Variants in LRRC38 observed in about 807,000 individuals in gnomAD.
The protein encoded by LRRC38 is leucine-rich repeat-containing protein 38.
LRRC38 carries 5 observed loss-of-function variants against 16.4 expected under a neutral mutation model. The observed-to-expected ratio is 0.31, with a 90% CI of 0.16 to 0.64. LRRC38 has a LOEUF of 0.64. LRRC38 is among the 30% of genes least tolerant of loss of function. The pLI, the probability that LRRC38 is intolerant of heterozygous loss-of-function variation, is 0.80. For synonymous variants in LRRC38, 191 were observed against 190.2 expected (o/e 1.00, Z -0.04); for missense variants, 341 against 401.8 (o/e 0.85, Z 1.29).
rs1557507541 is a variant in LRRC38 at position 13,513,047 on chromosome 1, G to C, written c.547C>G (p.Leu183Val). ...AALPALRSLR[L>V]DGNPWLCDCD... ...TCGCACAGCCAGGGGTTCCCGTCCA[G>C]ACGCAGGGAGCGCAGCGCGGGCAGC... Residue 183 changes from leucine (L) to valine (V), a missense_variant, in exon 1 of 2, where the codon CTG (leucine) becomes GTG (valine). Leu to Val is a conservative substitution (Grantham distance 32, BLOSUM62 1). Transcript: ENST00000376085. 1 of 1,550,056 alleles carries C rather than the reference G, an allele frequency of 6.5e-7. No individual in the cohort carries two copies. The highest frequency in any genetic ancestry group is 2.0e-5 in the Admixed American group (1 of 50,974).
At chr1:13,481,759 T>TC (rs1557495236) in intron 1 of LRRC38, among the ~76,000 whole-genome samples, 2 of 57,714 alleles carry the variant, frequency 3.5e-5, no homozygotes, top group Non-Finnish European at 7.3e-5. Flanking sequence ...CTCACTTTCT[T>TC]TCCCTCTCTC....
chr1:13,512,075 G>A (rs536615649), intron 1 of LRRC38, among the ~76,000 whole-genome samples: 1 of 152,224 alleles, frequency 6.6e-6, no homozygotes, highest in Admixed American at 6.5e-5. Flanking sequence ...TCAGCTCTGA[G>A]AGGTCACTGC....
chr1:13,503,354 C>T (rs146978162), intron 1 of LRRC38, among the ~76,000 whole-genome samples: 18 of 152,252 alleles, frequency 1.2e-4, no homozygotes, highest in African/African-American at 3.6e-4. Flanking sequence ...CTGCAAGCTC[C>T]GCCTCCTGGG....
At chr1:13,491,745 G>A (rs553096531) in intron 1 of LRRC38, among the ~76,000 whole-genome samples, 2 of 151,986 alleles carry the variant, frequency 1.3e-5, no homozygotes, top group South Asian at 2.1e-4. Flanking sequence ...GCGACATCTC[G>A]GCTCACTGCA....
At chr1:13,501,774 T>C (rs1440589076) in intron 1 of LRRC38, among the ~76,000 whole-genome samples, 2 of 151,460 alleles carry the variant, frequency 1.3e-5, no homozygotes, top group Non-Finnish European at 2.9e-5. Context: ...TTGTTTTTGT[T>C]TGTTTGTTTG....
rs1429951190 is a variant in LRRC38, at chr1:13,475,047, A to T, written c.*799T>A. 1 of 152,056 alleles carries T rather than the reference A, an allele frequency of 6.6e-6. No individual in the cohort carries two copies. The highest frequency in any genetic ancestry group is 2.4e-5 in the African/African-American group (1 of 41,396). The allele number at this position is 152,056 out of a possible 1,614,324, so 9.4% of individuals were successfully genotyped here. A position where few individuals can be genotyped will look rare whatever the true frequency, so the allele number is the denominator to read the frequency against. On this transcript the variant is annotated 3_prime_UTR_variant, in exon 2 of 2. Transcript: ENST00000376085. This position sits in a 1 kb window ranked among gnomAD's most constrained non-coding sequence, Gnocchi z 4.3. ...GGAAGTCTGAGATCTGGGTGCCAGC[A>T]TGGCTGGGTTCTGGTGAGGGCCTGC...
chr1:13,498,012 A>T (rs116517332), intron 1 of LRRC38, among the ~76,000 whole-genome samples: 9,102 of 150,648 alleles, frequency 0.06, 903 homozygotes, highest in African/African-American at 0.21. Flanking sequence ...GCTGGATTAA[A>T]AAAATATCCA....
At chr1:13,481,385 A>T (rs56075684) in intron 1 of LRRC38, among the ~76,000 whole-genome samples, 107 of 115,304 alleles carry the variant, frequency 9.3e-4, no homozygotes, top group African/African-American at 3.0e-3. Context: ...TGTTTTTTTT[A>T]TTTTTTTTTT....
intron 1 of LRRC38, among the ~76,000 whole-genome samples, chr1:13,506,977 G>A (rs1639220492): frequency 6.6e-6 from 1 of 152,192 alleles, no homozygotes; most frequent in African/African-American, 2.4e-5. Context: ...ATCCCCTCCT[G>A]GGTTCCCCTG....
At position 13,492,332 on chromosome 1, in the gene LRRC38, A is replaced by G. The variant is rs769558394; in HGVS notation, c.632-16233T>C. Among the ~76,000 whole-genome samples the G allele has an allele frequency of 1.2e-3, 186 of 152,388 alleles. 1 individual carries two copies. Among genetic ancestry groups the G allele is most frequent in the Non-Finnish European group, 2.4e-3 (166 of 68,036 alleles). On this transcript the variant is annotated intron_variant, in intron 1 of 1. Coordinates refer to ENST00000376085, the MANE Select transcript of LRRC38 (RefSeq NM_001010847.2). ...CTGCATAATAATCCATTTCATGGATAGACAACGTGTTGTTGTTACATTTAT... is the reference window on the plus strand; with the variant it reads ...CTGCATAATAATCCATTTCATGGATGGACAACGTGTTGTTGTTACATTTAT...
At chr1:13,505,668 G>A (rs898480614) in intron 1 of LRRC38, among the ~76,000 whole-genome samples, 5 of 152,140 alleles carry the variant, frequency 3.3e-5, no homozygotes, top group African/African-American at 1.2e-4. Flanking sequence ...TGAATGTTAC[G>A]ACGTAACTAC....
At chr1:13,479,564 T>C (rs1308970781) in intron 1 of LRRC38, among the ~76,000 whole-genome samples, 1 of 152,182 alleles carries the variant, frequency 6.6e-6, no homozygotes, top group Non-Finnish European at 1.5e-5. Flanking sequence ...TTTTAGAAAA[T>C]GTCATCTCAC....
At chr1:13,476,172 G>A (rs1638786997) in intron 1 of LRRC38, 73 bp from the exon 2 acceptor site, 3 of 1,461,620 alleles carry the variant, frequency 2.1e-6, no homozygotes, top group Non-Finnish European at 9.3e-7. Context: ...GACAAGGCAG[G>A]TGCTTACAAA....
At position 13,513,050 on chromosome 1, in the gene LRRC38, G is replaced by A; in HGVS notation, c.544C>T (p.Arg182Cys). 2 of 1,550,030 alleles carry A rather than the reference G, an allele frequency of 1.3e-6. No individual in the cohort carries two copies. Among genetic ancestry groups the A allele is most frequent in the Non-Finnish European group, 1.7e-6 (2 of 1,146,726 alleles). The part of the protein sequence containing the change: ...LAALPALRSL[R>C]LDGNPWLCDC... ...CACAGCCAGGGGTTCCCGTCCAGAC[G>A]CAGGGAGCGCAGCGCGGGCAGCGCG... Residue 182 changes from arginine (R) to cysteine (C), a missense_variant, in exon 1 of 2, where the codon CGT becomes TGT. Arg to Cys is a radical substitution (Grantham distance 180). Transcript: ENST00000376085.
intron 1 of LRRC38, among the ~76,000 whole-genome samples, 166 bp downstream of exon 1, chr1:13,512,797 C>T (rs1557507332): frequency 6.6e-6 from 1 of 152,126 alleles, no homozygotes; most frequent in Non-Finnish European, 1.5e-5. Flanking sequence ...ATTCCAGATG[C>T]GTCCCTCTCC....
chr1:13,501,630 G>C (rs897888834), intron 1 of LRRC38, among the ~76,000 whole-genome samples: 1 of 139,008 alleles, frequency 7.2e-6, no homozygotes, highest in African/African-American at 2.7e-5. Context: ...GTCTCACTCT[G>C]TTGCCCAGGC....
chr1:13,483,844 G>A (rs899888132), intron 1 of LRRC38, among the ~76,000 whole-genome samples: 1 of 151,766 alleles, frequency 6.6e-6, no homozygotes, highest in Non-Finnish European at 1.5e-5. Flanking sequence ...GTTTCAGACT[G>A]AGCCTGCGTT....
intron 1 of LRRC38, among the ~76,000 whole-genome samples, chr1:13,484,141 G>A (rs439626): frequency 3.9e-5 from 6 of 151,902 alleles, no homozygotes; most frequent in Non-Finnish European, 8.8e-5. Context: ...CAAACGCCCC[G>A]CGCAGGCCAC....
At chr1:13,506,489 G>A (rs907485735) in intron 1 of LRRC38, among the ~76,000 whole-genome samples, 8 of 151,986 alleles carry the variant, frequency 5.3e-5, no homozygotes, top group East Asian at 1.9e-4. Flanking sequence ...ACAGAGTCTC[G>A]CTCAGTCGCC....
Sources: allele counts gnomAD v4.1 joint callset (sites outside exome capture counted in the v4.1 genomes callset), GRCh38; gene constraint gnomAD v4.1.1; non-coding constraint Gnocchi (gnomAD v3.1); transcripts MANE v1.5; gene names NCBI Gene and HGNC (gene_info 2026-07-23, HGNC 2026-07-21).